ACYP2: variants seen among roughly 807,000 people sequenced by gnomAD.
ACYP2 encodes the protein acylphosphatase-2.
In ACYP2, 12 loss-of-function variants were observed where a neutral mutation model predicts 11.2. That is an observed-to-expected ratio of 1.08 (90% CI 0.69 to 1.74). ACYP2 has a LOEUF of 1.74. Among genes scored for constraint, ACYP2 ranks in the 40% most tolerant of loss-of-function variants. The pLI is 0.00. For missense variants in ACYP2, 134 were observed against 101.9 expected, an observed-to-expected ratio of 1.31 and a Z score of -1.35; for synonymous variants, 43 against 32.2, an observed-to-expected ratio of 1.33 and a Z score of -1.13.
intron 4 of ACYP2, among the ~76,000 whole-genome samples, chr2:54,099,718 G>C (rs902163968): frequency 2.0e-5 from 3 of 151,462 alleles, no homozygotes; most frequent in African/African-American, 7.3e-5. Context: ...ATTTTTTTTA[G>C]CTCCATATCT....
At chr2:54,242,867 C>T (rs970369413) in intron 6 of ACYP2, among the ~76,000 whole-genome samples, 2 of 152,190 alleles carry the variant, frequency 1.3e-5, no homozygotes, top group Non-Finnish European at 2.9e-5. Flanking sequence ...AATCACCTAA[C>T]GATGCATTTC....
intron 6 of ACYP2, among the ~76,000 whole-genome samples, chr2:54,206,033 CT>C (rs1418038009): frequency 2.0e-5 from 3 of 152,092 alleles, no homozygotes; most frequent in Non-Finnish European, 2.9e-5. Flanking sequence ...AAGGATCATT[CT>C]GCCTAGTACT....
chr2:54,153,593 CTT>C (rs58880193), intron 6 of ACYP2, among the ~76,000 whole-genome samples: 1 of 137,702 alleles, frequency 7.3e-6, no homozygotes, highest in African/African-American at 2.7e-5. Context: ...GTAGTGTGGA[CTT>C]TTTTTTTTTT....
intron 6 of ACYP2, among the ~76,000 whole-genome samples, chr2:54,249,308 A>C (rs1000796034): frequency 2.0e-5 from 3 of 152,094 alleles, no homozygotes; most frequent in Non-Finnish European, 4.4e-5. Flanking sequence ...TTGACTTGTC[A>C]GACTCTAATT....
rs1573591767 is a variant in ACYP2, at chr2:54,043,170, A to C, written c.63-7788A>C. On this transcript the variant is annotated intron_variant, in intron 2 of 6. Transcript: ENST00000607452. ...AAAATGCATGCTGGTTGAGTGGTTGAGTTCAGGATTGCCAAACCCCAGAAC... is the reference window on the plus strand; with the variant it reads ...AAAATGCATGCTGGTTGAGTGGTTGCGTTCAGGATTGCCAAACCCCAGAAC... 4.6e-5 allele frequency among the ~76,000 whole-genome samples: 7 copies of C among 152,254 alleles called. 2 individuals carry two copies. The highest frequency in any genetic ancestry group is 4.6e-4 in the Admixed American group (7 of 15,288).
intron 2 of ACYP2, among the ~76,000 whole-genome samples, chr2:54,040,886 A>G (rs760458301): frequency 1.3e-5 from 2 of 152,148 alleles, no homozygotes; most frequent in Non-Finnish European, 2.9e-5. Context: ...TAGCTGAAAG[A>G]GGAAGTGAGG....
intron 2 of ACYP2, among the ~76,000 whole-genome samples, chr2:54,046,169 A>G (rs972172423): frequency 3.0e-3 from 123 of 40,580 alleles, no homozygotes; most frequent in African/African-American, 0.015. Context: ...GACCCTGTCA[A>G]AAAAAAAAAA....
intron 6 of ACYP2, among the ~76,000 whole-genome samples, chr2:54,277,122 G>A (rs1688632000): frequency 6.6e-6 from 1 of 152,124 alleles, no homozygotes; most frequent in African/African-American, 2.4e-5. Context: ...CTACATCCTT[G>A]ATTATTAGGA....
intron 6 of ACYP2, among the ~76,000 whole-genome samples, chr2:54,268,270 G>A (rs1423151459): frequency 1.3e-5 from 2 of 152,192 alleles, no homozygotes. Context: ...CTGCAATGAG[G>A]TTGTTGGACT....
At chr2:54,096,839 G>GAGACCGTGGGGAGAGGA (rs1353506892) in intron 4 of ACYP2, among the ~76,000 whole-genome samples, 1 of 152,052 alleles carries the variant, frequency 6.6e-6, no homozygotes, top group East Asian at 1.9e-4. Flanking sequence ...GAGGGAGAGG[G>GAGACCGTGGGGAGAGGA]AGACCGTGGG....
chr2:53,982,872 G>GTGTGTGTGTGTA (rs1250430076), intron 2 of ACYP2, among the ~76,000 whole-genome samples: 22 of 143,636 alleles, frequency 1.5e-4, no homozygotes, highest in African/African-American at 5.4e-4. Context: ...GTGTGTGTGT[G>GTGTGTGTGTGTA]TGATATAAAT....
intron 4 of ACYP2, among the ~76,000 whole-genome samples, chr2:54,078,604 CTTT>C (rs11326614): frequency 7.1e-6 from 1 of 141,346 alleles, no homozygotes. Context: ...TCTCAATAAG[CTTT>C]TTTTTTTTTT....
At chr2:54,159,149 G>A (rs1232391164) in intron 6 of ACYP2, among the ~76,000 whole-genome samples, 2 of 151,376 alleles carry the variant, frequency 1.3e-5, no homozygotes, top group Non-Finnish European at 2.9e-5. Flanking sequence ...TGACTGGGCT[G>A]CTAAAGTCAA....
At chr2:54,139,305 C>G (rs1047386595) in intron 6 of ACYP2, among the ~76,000 whole-genome samples, 1 of 152,182 alleles carries the variant, frequency 6.6e-6, no homozygotes, top group African/African-American at 2.4e-5. Flanking sequence ...ATTGCCATCT[C>G]CTTTTTACAG....
chr2:54,059,194 TTTTC>T (rs922506652), intron 4 of ACYP2, among the ~76,000 whole-genome samples: 9 of 152,030 alleles, frequency 5.9e-5, no homozygotes, highest in African/African-American at 1.7e-4. Context: ...ATCTTATCAT[TTTTC>T]TTTCTTTCTT....
chr2:54,178,577 CTTGAAT>C (rs1425458569), intron 6 of ACYP2, among the ~76,000 whole-genome samples: 3 of 152,170 alleles, frequency 2.0e-5, no homozygotes, highest in Non-Finnish European at 2.9e-5. Context: ...AGTACTTTTA[CTTGAAT>C]TTAACATCTT....
chr2:54,106,655 C>T (rs1180519178), intron 4 of ACYP2, among the ~76,000 whole-genome samples: 1 of 152,178 alleles, frequency 6.6e-6, no homozygotes, highest in Admixed American at 6.5e-5. Flanking sequence ...ATGATCTCGG[C>T]TCACTGCAAC....
intron 6 of ACYP2, among the ~76,000 whole-genome samples, chr2:54,205,154 G>C (rs1685019553): frequency 6.6e-6 from 1 of 152,140 alleles, no homozygotes; most frequent in African/African-American, 2.4e-5. Context: ...AAGTTTCTTT[G>C]CTTTGTTAGG....
intron 2 of ACYP2, among the ~76,000 whole-genome samples, chr2:53,985,028 A>G (rs1459484446): frequency 6.6e-6 from 1 of 151,926 alleles, no homozygotes; most frequent in Non-Finnish European, 1.5e-5. Flanking sequence ...TTAATAAACA[A>G]TCCCAAAATC....
Sources: allele counts gnomAD v4.1 joint callset (sites outside exome capture counted in the v4.1 genomes callset), GRCh38; gene constraint gnomAD v4.1.1; transcripts MANE v1.5; gene names NCBI Gene and HGNC (gene_info 2026-07-23, HGNC 2026-07-21).